Variants in SNX8 observed in about 807,000 individuals in gnomAD.
SNX8 encodes sorting nexin 8.
Under a neutral mutation model 51.6 loss-of-function variants are expected in SNX8, and 25 were observed. The ratio of observed to expected loss-of-function variants is 0.48; its 90% confidence interval spans 0.35 to 0.68. The LOEUF is 0.68. Among genes scored for constraint, SNX8 ranks in the 30% least tolerant of loss-of-function variants. The pLI is 0.00. For missense variants in SNX8, 695 were observed against 624.0 expected, an observed-to-expected ratio of 1.11 and a Z score of -1.21; for synonymous variants, 324 against 277.0, an observed-to-expected ratio of 1.17 and a Z score of -1.68.
intron 1 of SNX8, among the ~76,000 whole-genome samples, chr7:2,297,337 G>A (rs2115177901): frequency 6.6e-6 from 1 of 151,694 alleles, no homozygotes; most frequent in Admixed American, 6.6e-5. Context: ...GATCACTTGA[G>A]GTCAGGAGTT....
chr7:2,304,010 CA>C (rs893302396), intron 1 of SNX8, among the ~76,000 whole-genome samples: 8 of 144,946 alleles, frequency 5.5e-5, no homozygotes, highest in Admixed American at 4.8e-4. Context: ...AAAAAAAATA[CA>C]AAAAAATTAG....
At chr7:2,268,586 C>G (rs572851972) in intron 5 of SNX8, among the ~76,000 whole-genome samples, 26 of 138,986 alleles carry the variant, frequency 1.9e-4, no homozygotes, top group South Asian at 7.1e-4. Context: ...CCGCCCTGTC[C>G]GGGAGGGAGG....
At position 2,258,192 on chromosome 7, in the gene SNX8, T is replaced by G. The variant is rs1050215009; in HGVS notation, c.916-389A>C. On this transcript the variant is annotated intron_variant, in intron 7 of 10. Coordinates refer to ENST00000222990, the MANE Select transcript of SNX8 (RefSeq NM_013321.4). Reference sequence around the variant, plus strand: ...TGCCCGGCTAATTTTTTGTATTTCTTTTTTTAGTAGAGACGGGGTTTCACC... The same window carrying G: ...TGCCCGGCTAATTTTTTGTATTTCTGTTTTTAGTAGAGACGGGGTTTCACC... Among the ~76,000 whole-genome samples the G allele has an allele frequency of 4.2e-3, 643 of 152,092 alleles. 5 individuals are homozygous for G. Among genetic ancestry groups the G allele is most frequent in the African/African-American group, 0.015 (603 of 41,510 alleles).
rs1185480608 is a variant in SNX8 at position 2,253,520 on chromosome 7, G to GGT, written c.*1535_*1536insAC. ...GACTCGGGTGGACTAGGGACTCACGGGACAGCCCACCCATCGGGCTCCAAA... is the reference window on the plus strand; with the variant it reads ...GACTCGGGTGGACTAGGGACTCACGGGTGACAGCCCACCCATCGGGCTCCAAA... On this transcript the variant is annotated 3_prime_UTR_variant, in exon 11 of 11. Coordinates refer to ENST00000222990, the MANE Select transcript of SNX8 (RefSeq NM_013321.4). 6.6e-6 allele frequency: 1 copy of GGT among 152,228 alleles called. No individual in the cohort carries two copies. Among genetic ancestry groups the GGT allele is most frequent in the African/African-American group, 2.4e-5 (1 of 41,432 alleles). 9.4% of individuals were successfully genotyped at this position (152,228 alleles called of 1,614,324 possible).
At chr7:2,300,770 G>A (rs1372174118) in intron 1 of SNX8, among the ~76,000 whole-genome samples, 3 of 152,180 alleles carry the variant, frequency 2.0e-5, no homozygotes, top group South Asian at 4.1e-4. Flanking sequence ...AGCCTCCCGA[G>A]TAGCTAGGAT....
In SNX8 at chr7:2,314,316, C is replaced by T; in HGVS notation, c.94+12G>A. The T allele has an allele frequency of 8.2e-7, 1 of 1,221,492 alleles. No homozygotes were observed. The highest frequency in any genetic ancestry group is 1.0e-6 in the Non-Finnish European group (1 of 981,148). The allele number at this position is 1,221,492 out of a possible 1,614,324, so 75.7% of individuals were successfully genotyped here. A position where few individuals can be genotyped will look rare whatever the true frequency, so the allele number is the denominator to read the frequency against. ...CTGGGCAGGTGGGGGCTACCGCCGC[C>T]CCACGCCCTACCTGACGCCGGGGGA... On this transcript the variant is annotated intron_variant, in intron 1 of 10. Coordinates refer to ENST00000222990, the MANE Select transcript of SNX8 (RefSeq NM_013321.4).
intron 1 of SNX8, among the ~76,000 whole-genome samples, chr7:2,323,704 G>A (rs1038626338): frequency 2.0e-5 from 3 of 152,220 alleles, no homozygotes; most frequent in Admixed American, 1.3e-4. Context: ...AGGACCAGAA[G>A]TGCAGTACTA....
At chr7:2,320,007 C>A (rs576353296) in intron 1 of SNX8, among the ~76,000 whole-genome samples, 80 of 152,166 alleles carry the variant, frequency 5.3e-4, no homozygotes, top group African/African-American at 1.6e-3. Flanking sequence ...AAACAAAAAA[C>A]CGTAAATCGT....
chr7:2,263,776 C>T (rs571278057), intron 6 of SNX8, among the ~76,000 whole-genome samples: 6 of 152,168 alleles, frequency 3.9e-5, no homozygotes, highest in East Asian at 3.9e-4. Context: ...TGCAGTGGCG[C>T]GATCTCGGCT....
chr7:2,340,540 T>G (rs578239427), intron 1 of SNX8, among the ~76,000 whole-genome samples: 3 of 151,900 alleles, frequency 2.0e-5, no homozygotes, highest in Non-Finnish European at 2.9e-5. Context: ...TTAGGACTAC[T>G]GCATGCATAC....
rs139527656 is a variant in SNX8 at position 2,352,437 on chromosome 7, C to G, written c.-66+1785G>C. Among the ~76,000 whole-genome samples, 51 of 152,208 alleles carry G rather than the reference C, an allele frequency of 3.4e-4. No individual in the cohort carries two copies. In the Middle Eastern group the frequency reaches 0.01, roughly 30 times the overall value. On this transcript the variant is annotated intron_variant, in intron 1 of 5. Transcript: ENST00000435336. ...AGAGAGACACAGACACACCACCAGA[C>G]ACCACATCCACATAACTTTTATGAC...
At chr7:2,328,032 A>G (rs1245554971) in intron 1 of SNX8, among the ~76,000 whole-genome samples, 1 of 150,718 alleles carries the variant, frequency 6.6e-6, no homozygotes, top group Non-Finnish European at 1.5e-5. Context: ...TGTCCAACCT[A>G]TTTTTTTATT....
chr7:2,286,901 G>A (rs956059467), intron 1 of SNX8, among the ~76,000 whole-genome samples: 2 of 151,932 alleles, frequency 1.3e-5, no homozygotes, highest in African/African-American at 2.4e-5. Flanking sequence ...AGCACTTTGG[G>A]AGGCTGAGGT....
intron 5 of SNX8, among the ~76,000 whole-genome samples, chr7:2,265,771 C>T (rs1441478928): frequency 6.6e-6 from 1 of 152,206 alleles, no homozygotes; most frequent in Non-Finnish European, 1.5e-5. Context: ...AGATTTGATA[C>T]TAACTATCAG....
At chr7:2,346,898 C>T (rs1480519769) in intron 1 of SNX8, among the ~76,000 whole-genome samples, 8 of 130,912 alleles carry the variant, frequency 6.1e-5, no homozygotes, top group Non-Finnish European at 1.1e-4. Context: ...CCAGCCTGGG[C>T]GACAGAGATT....
chr7:2,316,693 GCATT>G (rs1343470371), upstream of SNX8, among the ~76,000 whole-genome samples: 1 of 143,846 alleles, frequency 7.0e-6, no homozygotes, highest in Non-Finnish European at 1.5e-5. Context: ...ACTGCATCAT[GCATT>G]CATTCATGCA....
intron 1 of SNX8, among the ~76,000 whole-genome samples, chr7:2,303,908 C>T (rs1311912365): frequency 2.0e-5 from 3 of 151,276 alleles, no homozygotes; most frequent in Non-Finnish European, 4.4e-5. Flanking sequence ...TCCTATGACC[C>T]TGCCAAATCC....
chr7:2,257,211 G>A (rs908364864), intron 9 of SNX8, among the ~76,000 whole-genome samples, 154 bp downstream of exon 9: 11 of 152,170 alleles, frequency 7.2e-5, no homozygotes, highest in Non-Finnish European at 1.0e-4. Context: ...ATCGCTCTGG[G>A]CACGCGGGCC....
At chr7:2,320,222 T>C (rs1486819240) in intron 1 of SNX8, among the ~76,000 whole-genome samples, 2 of 150,708 alleles carry the variant, frequency 1.3e-5, no homozygotes, top group Non-Finnish European at 3.0e-5. Flanking sequence ...GGGCATGGTG[T>C]CATATGCCTG....
Sources: gnomAD v4.1 joint callset for allele counts (sites outside exome capture counted in the v4.1 genomes callset) on GRCh38, gnomAD v4.1.1 for gene constraint, MANE v1.5 for transcripts, NCBI Gene and HGNC (gene_info 2026-07-23, HGNC 2026-07-21) for gene names.